RTN4IP1: variants seen among roughly 807,000 people sequenced by gnomAD.
RTN4IP1 encodes the protein reticulon 4 interacting protein 1, also known as NAD(P)H oxidoreductase RTN4IP1, mitochondrial.
Under a neutral mutation model 46.6 loss-of-function variants are expected in RTN4IP1, and 32 were observed. The observed-to-expected ratio is 0.69, with a 90% CI of 0.52 to 0.92. The LOEUF (loss-of-function observed/expected upper bound fraction) is 0.92, where lower values mean the gene tolerates loss of function less well. Ranked by LOEUF, RTN4IP1 falls within the 40% of genes least tolerant of loss-of-function variation. RTN4IP1 has a pLI of 0.00. For synonymous variants in RTN4IP1, 167 were observed against 161.8 expected (o/e 1.03, Z -0.24); for missense variants, 424 against 485.8 (o/e 0.87, Z 1.20).
At chr6:106,603,438 G>A (rs1442854899) in intron 4 of RTN4IP1, among the ~76,000 whole-genome samples, 1 of 152,180 alleles carries the variant, frequency 6.6e-6, no homozygotes, top group Non-Finnish European at 1.5e-5. Flanking sequence ...TGTTAAAGCA[G>A]AGGAATCTGT....
In RTN4IP1 at chr6:106,604,454, A is replaced by C. The variant is rs142074198; in HGVS notation, c.621-1532T>G. On this transcript the variant is annotated intron_variant, in intron 4 of 8. Transcript: ENST00000369063. ...ACATGCTGAGTACTTTGAAGTAAAG[A>C]AGCAGCCTCAGAACGAAGGTCTCTC... Among the ~76,000 whole-genome samples the C allele has an allele frequency of 3.4e-3, 514 of 152,210 alleles. 5 individuals are homozygous for C. Among genetic ancestry groups the C allele is most frequent in the African/African-American group, 0.012 (482 of 41,544 alleles).
chr6:106,588,988 T>C (rs1775553201), intron 6 of RTN4IP1, among the ~76,000 whole-genome samples: 1 of 150,552 alleles, frequency 6.6e-6, no homozygotes, highest in South Asian at 2.1e-4. Flanking sequence ...CACATGCCTG[T>C]AATCCCAACT....
In RTN4IP1 at chr6:106,629,330, G is replaced by A. The variant is rs1776749338; in HGVS notation, c.-309C>T. 3.8e-6 allele frequency: 2 copies of A among 530,586 alleles called. No individual in the cohort carries two copies. Among genetic ancestry groups the A allele is most frequent in the Admixed American group, 3.4e-5 (1 of 29,020 alleles). The allele number at this position is 530,586 out of a possible 1,614,324, so 32.9% of individuals were successfully genotyped here. On this transcript the variant is annotated 5_prime_UTR_variant, in exon 1 of 9. Coordinates refer to ENST00000369063, the MANE Select transcript of RTN4IP1 (RefSeq NM_032730.5). ...GGGGGGGCGGGGCATTAAAAAGCAG[G>A]TGCGCAAACCCCCTAGATCCCTGCC... is the stretch of plus-strand genomic sequence containing the variant.
chr6:106,618,760 T>C (rs1776410083), intron 4 of RTN4IP1, among the ~76,000 whole-genome samples: 1 of 152,166 alleles, frequency 6.6e-6, no homozygotes, highest in South Asian at 2.1e-4. Flanking sequence ...TGCAGTCCCT[T>C]TATAGAAATA....
At chr6:106,614,445 A>C (rs1001437724) in intron 4 of RTN4IP1, among the ~76,000 whole-genome samples, 1 of 152,156 alleles carries the variant, frequency 6.6e-6, no homozygotes, top group Non-Finnish European at 1.5e-5. Flanking sequence ...AAGAGGACAG[A>C]GTTAGAAATA....
intron 8 of RTN4IP1, among the ~76,000 whole-genome samples, chr6:106,577,990 A>C (rs536039008): frequency 1.8e-4 from 27 of 152,320 alleles, no homozygotes; most frequent in Middle Eastern, 3.4e-3. Flanking sequence ...ATTCATAGTA[A>C]TTTGTTACTG....
chr6:106,581,408 C>T (rs1009411359), intron 8 of RTN4IP1, among the ~76,000 whole-genome samples: 2 of 152,216 alleles, frequency 1.3e-5, no homozygotes, highest in Non-Finnish European at 2.9e-5. Context: ...AACCACACAA[C>T]ACATAAGTAA....
intron 7 of RTN4IP1, 147 bp downstream of exon 7, chr6:106,587,532 T>C (rs1425414267): frequency 1.5e-6 from 1 of 671,388 alleles, no homozygotes; most frequent in African/African-American, 1.8e-5. Context: ...AGGTCAGATT[T>C]TGAAGCCAGT....
intron 4 of RTN4IP1, among the ~76,000 whole-genome samples, chr6:106,608,891 T>C (rs1200282057): frequency 6.6e-6 from 1 of 152,220 alleles, no homozygotes; most frequent in Non-Finnish European, 1.5e-5. Context: ...GCTAGTCAAA[T>C]TCTCATTTAA....
At position 106,580,467 on chromosome 6, in the gene RTN4IP1, C is replaced by G. The variant is rs188215031; in HGVS notation, c.1083+2861G>C. 2.5e-4 allele frequency among the ~76,000 whole-genome samples: 38 copies of G among 151,862 alleles called. 1 individual carries two copies. The East Asian group carries it at 6.8e-3, about 27-fold the overall frequency. On this transcript the variant is annotated intron_variant, in intron 8 of 8. Transcript: ENST00000369063. ...AGTGCAGTGGCTCATGTCTGTAATC[C>G]CAGCACTTTGGGAGGCCAAGGCAGG...
chr6:106,580,655 G>C (rs1562131466), intron 8 of RTN4IP1, among the ~76,000 whole-genome samples: 1 of 149,040 alleles, frequency 6.7e-6, no homozygotes, highest in East Asian at 2.0e-4. Context: ...GGAAGTGGAG[G>C]TTGCAGTGAG....
chr6:106,597,352 T>A (rs1486926971), intron 5 of RTN4IP1, among the ~76,000 whole-genome samples: 2 of 152,142 alleles, frequency 1.3e-5, no homozygotes, highest in Non-Finnish European at 2.9e-5. Flanking sequence ...TGTTTTTATC[T>A]TTTTCTGTTT....
intron 4 of RTN4IP1, among the ~76,000 whole-genome samples, chr6:106,612,829 G>A (rs1009458962): frequency 6.6e-6 from 1 of 152,122 alleles, no homozygotes; most frequent in Non-Finnish European, 1.5e-5. Context: ...TAGTCTGTGT[G>A]GGCTAACCCT....
In RTN4IP1 at chr6:106,601,978, G is replaced by T. The variant is rs555196202; in HGVS notation, c.669+896C>A. 5.3e-5 allele frequency among the ~76,000 whole-genome samples: 8 copies of T among 152,124 alleles called. No homozygotes were observed. The East Asian group carries it at 1.4e-3, about 26-fold the overall frequency. On this transcript the variant is annotated intron_variant, in intron 5 of 8. Transcript: ENST00000369063. ...GCTCAACTTCATTCTTTTGCATGTG[G>T]ATATCTAGTTGTTCCAGCAGTATTT...
rs369354399 is a variant in RTN4IP1 at position 106,579,845 on chromosome 6, C to A, written c.1083+3483G>T. ...CCCAGGCTGGTCTTGAACTCCTGGG[C>A]CCAAGCGATCCTCCCACCTCAAACT... is the stretch of plus-strand genomic sequence containing the variant. On this transcript the variant is annotated intron_variant, in intron 8 of 8. Coordinates refer to ENST00000369063, the MANE Select transcript of RTN4IP1 (RefSeq NM_032730.5). Among the ~76,000 whole-genome samples, 60 of 151,704 alleles carry A rather than the reference C, an allele frequency of 4.0e-4. 1 individual carries two copies. Among genetic ancestry groups the A allele is most frequent in the African/African-American group, 1.3e-3 (54 of 41,370 alleles).
intron 4 of RTN4IP1, among the ~76,000 whole-genome samples, chr6:106,608,369 A>C (rs1188150307): frequency 6.6e-6 from 1 of 152,246 alleles, no homozygotes; most frequent in Non-Finnish European, 1.5e-5. Context: ...AGGTTGGTTA[A>C]CAAATACAAA....
chr6:106,576,804 T>C (rs925444584), intron 8 of RTN4IP1, among the ~76,000 whole-genome samples: 1 of 152,226 alleles, frequency 6.6e-6, no homozygotes, highest in African/African-American at 2.4e-5. Flanking sequence ...ACCAAGTGAA[T>C]ACTGCAGACA....
chr6:106,602,983 T>C, intron 4 of RTN4IP1, 61 bp from the exon 5 acceptor site: 2 of 1,218,166 alleles, frequency 1.6e-6, no homozygotes, highest in East Asian at 2.5e-5. Flanking sequence ...TGGATAAACG[T>C]TTTCAACAAA....
At chr6:106,579,234 CAAA>C (rs756707350) in intron 8 of RTN4IP1, among the ~76,000 whole-genome samples, 1 of 121,710 alleles carries the variant, frequency 8.2e-6, no homozygotes. Context: ...GACTACATCT[CAAA>C]AAAAAAAAAA....
Sources: gnomAD v4.1 joint callset for allele counts (sites outside exome capture counted in the v4.1 genomes callset) on GRCh38, gnomAD v4.1.1 for gene constraint, MANE v1.5 for transcripts, NCBI Gene and HGNC (gene_info 2026-07-23, HGNC 2026-07-21) for gene names.